Variants in SLC24A2 observed in about 807,000 individuals in gnomAD.
SLC24A2 encodes the protein sodium/potassium/calcium exchanger 2.
Under a neutral mutation model 62.0 loss-of-function variants are expected in SLC24A2, and 36 were observed. The ratio of observed to expected loss-of-function variants is 0.58; its 90% CI spans 0.44 to 0.77. The LOEUF is 0.77. SLC24A2 is among the 30% of genes least tolerant of loss of function. SLC24A2 has a pLI of 0.00. For synonymous variants in SLC24A2, 358 were observed against 294.0 expected (o/e 1.22, Z -2.23); for missense variants, 846 against 817.9 (o/e 1.03, Z -0.42).
chr9:20,245,154 G>A, the SLC24A2 span, among the ~76,000 whole-genome samples: 1 of 152,168 alleles, frequency 6.6e-6, no homozygotes. Flanking sequence ...TACAATCCAT[G>A]GTTCCTGCCC....
the SLC24A2 span, among the ~76,000 whole-genome samples, chr9:20,177,122 T>C: frequency 6.6e-6 from 1 of 152,142 alleles, no homozygotes; most frequent in African/African-American, 2.4e-5. Flanking sequence ...TTTTTACTCA[T>C]TTCTGTGAAG....
At chr9:19,649,001 CAA>C (rs66653116) in intron 2 of SLC24A2, among the ~76,000 whole-genome samples, 20 of 108,794 alleles carry the variant, frequency 1.8e-4, no homozygotes, top group African/African-American at 4.4e-4. Flanking sequence ...GATTAAAAAC[CAA>C]AAAAAAAAAA....
chr9:20,084,266 G>A, the SLC24A2 span, among the ~76,000 whole-genome samples: 97,839 of 152,076 alleles, frequency 0.64, 32,798 homozygotes, highest in East Asian at 0.94. Context: ...TTCAAGTAGC[G>A]TACTTCAAGT....
chr9:20,103,803 C>G, the SLC24A2 span, among the ~76,000 whole-genome samples: 1 of 151,922 alleles, frequency 6.6e-6, no homozygotes, highest in Non-Finnish European at 1.5e-5. Flanking sequence ...CCTCCTCCTC[C>G]AAAGGAACGC....
the SLC24A2 span, among the ~76,000 whole-genome samples, chr9:20,176,670 G>T: frequency 6.6e-6 from 1 of 152,076 alleles, no homozygotes. Context: ...GGGTATAAAT[G>T]AGGAAGTTAG....
the SLC24A2 span, among the ~76,000 whole-genome samples, chr9:19,833,438 C>A: frequency 3.6e-3 from 554 of 152,346 alleles, 6 homozygotes; most frequent in African/African-American, 0.012. Context: ...TATCCTGCAC[C>A]TGGCTCGGAG....
At chr9:19,956,428 C>T in the SLC24A2 span, among the ~76,000 whole-genome samples, 18 of 152,266 alleles carry the variant, frequency 1.2e-4, no homozygotes, top group South Asian at 2.1e-4. Flanking sequence ...TACTTAGCAG[C>T]GGTGGCTTTT....
the SLC24A2 span, among the ~76,000 whole-genome samples, chr9:20,203,456 G>C: frequency 4.6e-5 from 7 of 152,150 alleles, no homozygotes; most frequent in East Asian, 1.3e-3. Flanking sequence ...GGTGAACTCA[G>C]GCAAGCCGCT....
chr9:20,282,210 C>A, the SLC24A2 span, among the ~76,000 whole-genome samples: 1 of 152,168 alleles, frequency 6.6e-6, no homozygotes, highest in African/African-American at 2.4e-5. Context: ...CTACAAATTC[C>A]AGTTTTCACT....
chr9:19,554,602 C>A (rs146559346), intron 7 of SLC24A2, among the ~76,000 whole-genome samples: 1 of 152,160 alleles, frequency 6.6e-6, no homozygotes, highest in African/African-American at 2.4e-5. Context: ...TCAGCCTTCT[C>A]GGCAAGGTGT....
the SLC24A2 span, among the ~76,000 whole-genome samples, chr9:20,014,517 T>TATATATATATATGTATATATACAC: frequency 1.3e-5 from 2 of 148,390 alleles, no homozygotes; most frequent in African/African-American, 5.0e-5. Flanking sequence ...TATATATATA[T>TATATATATATATGTATATATACAC]ACACACACAC....
chr9:19,726,098 G>A (rs1396593267), intron 2 of SLC24A2, among the ~76,000 whole-genome samples: 2 of 152,186 alleles, frequency 1.3e-5, no homozygotes, highest in Non-Finnish European at 2.9e-5. Flanking sequence ...GAATGAAAGC[G>A]GAGTCAAGGC....
the SLC24A2 span, among the ~76,000 whole-genome samples, chr9:20,051,782 T>G: frequency 6.6e-6 from 1 of 151,442 alleles, no homozygotes; most frequent in African/African-American, 2.4e-5. Context: ...AGCTGTTAAT[T>G]TTTAGGACTC....
At chr9:19,814,227 CAA>C in the SLC24A2 span, among the ~76,000 whole-genome samples, 1 of 151,922 alleles carries the variant, frequency 6.6e-6, no homozygotes, top group South Asian at 2.1e-4. Flanking sequence ...TTTTGAATGA[CAA>C]TATGCCAAAT....
chr9:20,206,887 G>GA, the SLC24A2 span, among the ~76,000 whole-genome samples: 1 of 148,868 alleles, frequency 6.7e-6, no homozygotes, highest in Non-Finnish European at 1.5e-5. Flanking sequence ...AAGTTGGGGG[G>GA]GGCGGTTACG....
the SLC24A2 span, among the ~76,000 whole-genome samples, chr9:20,090,409 G>T: frequency 6.6e-6 from 1 of 152,160 alleles, no homozygotes; most frequent in African/African-American, 2.4e-5. Flanking sequence ...TCTACAGCCA[G>T]CACTCAAGTG....
chr9:19,710,209 A>T lies in SLC24A2; in HGVS notation c.930+75728T>A, dbSNP rs200546073. ...TTGACTGATTAATTCATCATTCAAC[A>T]ACTGTGTACCATGTGACCATCATCT... On this transcript the variant is annotated intron_variant, in intron 2 of 10. Coordinates refer to ENST00000341998, the MANE Select transcript of SLC24A2 (RefSeq NM_020344.4). 1.6e-4 allele frequency among the ~76,000 whole-genome samples: 25 copies of T among 152,292 alleles called. No individual in the cohort carries two copies. The East Asian group carries it at 4.6e-3, about 28-fold the overall frequency.
chr9:19,907,166 T>C, the SLC24A2 span, among the ~76,000 whole-genome samples: 7 of 152,180 alleles, frequency 4.6e-5, no homozygotes, highest in African/African-American at 1.4e-4. Flanking sequence ...GCAAGGCTGG[T>C]TCAACATACG....
intron 2 of SLC24A2, among the ~76,000 whole-genome samples, chr9:19,709,982 G>C (rs1247917814): frequency 6.6e-6 from 1 of 152,102 alleles, no homozygotes; most frequent in African/African-American, 2.4e-5. Flanking sequence ...TTCTCAACTG[G>C]ATCCAGAAGG....
Sources: allele counts gnomAD v4.1 joint callset (sites outside exome capture counted in the v4.1 genomes callset), GRCh38; gene constraint gnomAD v4.1.1; transcripts MANE v1.5; gene names NCBI Gene and HGNC (gene_info 2026-07-23, HGNC 2026-07-21).